SGMS1: variants seen among roughly 807,000 people sequenced by gnomAD.
SGMS1 encodes sphingomyelin synthase 1, also known as phosphatidylcholine:ceramide cholinephosphotransferase 1.
In SGMS1, 13 loss-of-function variants were observed where a neutral mutation model predicts 46.2. The ratio of observed to expected loss-of-function variants is 0.28; its 90% CI spans 0.18 to 0.45. The LOEUF (loss-of-function observed/expected upper bound fraction) is 0.45, where lower values mean the gene tolerates loss of function less well. Ranked by LOEUF, SGMS1 falls within the 20% of genes least tolerant of loss-of-function variation. SGMS1 has a pLI of 1.00. For missense variants in SGMS1, 324 were observed against 519.9 expected, an observed-to-expected ratio of 0.62 and a Z score of 3.66; for synonymous variants, 203 against 187.8, an observed-to-expected ratio of 1.08 and a Z score of -0.66.
chr10:50,511,072 C>T (rs1346304724), intron 3 of SGMS1, among the ~76,000 whole-genome samples: 2 of 152,144 alleles, frequency 1.3e-5, no homozygotes, highest in Admixed American at 6.6e-5. Context: ...CTGGTATGTA[C>T]AAACCACAAT....
At chr10:50,342,348 A>T (rs1847834256) in intron 7 of SGMS1, 1 of 152,226 alleles carries the variant, frequency 6.6e-6, no homozygotes, top group Admixed American at 6.5e-5. Context: ...TTTCAGATTC[A>T]GCTTAAACTC....
At chr10:50,344,473 A>T (rs1847881192) in intron 6 of SGMS1, 128 bp from the exon 7 acceptor site, 1 of 184,710 alleles carries the variant, frequency 5.4e-6, no homozygotes, top group East Asian at 1.4e-4. Flanking sequence ...TCAAACATGT[A>T]TTCGTTTCAG....
At chr10:50,591,365 T>C (rs909640778) in intron 1 of SGMS1, among the ~76,000 whole-genome samples, 5 of 152,122 alleles carry the variant, frequency 3.3e-5, no homozygotes, top group African/African-American at 1.2e-4. Flanking sequence ...ACATGATGCC[T>C]TCCTTAAAAC....
intron 3 of SGMS1, among the ~76,000 whole-genome samples, chr10:50,512,133 G>T (rs369211961): frequency 2.6e-5 from 4 of 152,152 alleles, no homozygotes; most frequent in African/African-American, 9.7e-5. Context: ...CATGGGGAAG[G>T]CTATCCGGTT....
At chr10:50,480,811 G>A (rs1261202686) in intron 3 of SGMS1, among the ~76,000 whole-genome samples, 2 of 152,176 alleles carry the variant, frequency 1.3e-5, no homozygotes, top group East Asian at 3.9e-4. Context: ...GCCCTAGTCA[G>A]CTGTTTTCCC....
rs373770093 is a variant in SGMS1 at position 50,352,766 on chromosome 10, T to C, written c.-231-8421A>G. Among the ~76,000 whole-genome samples, 4 of 152,180 alleles carry C rather than the reference T, an allele frequency of 2.6e-5. No homozygotes were observed. The East Asian group carries it at 5.8e-4, about 22-fold the overall frequency. ...TCTAAAAAGTTTCTTAAAATTATAA[T>C]GGTGTTCTAAATACAAACTACCATC... On this transcript the variant is annotated intron_variant, in intron 6 of 10. Transcript: ENST00000361781.
At chr10:50,624,754 G>A (rs1838903725), upstream of SGMS1, 2 of 985,342 alleles carry the variant, frequency 2.0e-6, no homozygotes, top group African/African-American at 1.7e-5. Flanking sequence ...CAGCGCCCAA[G>A]TTAGGATGGA....
intron 2 of SGMS1, among the ~76,000 whole-genome samples, chr10:50,530,896 G>T (rs1183832436): frequency 1.3e-5 from 2 of 152,112 alleles, no homozygotes; most frequent in Non-Finnish European, 2.9e-5. Flanking sequence ...GATACCTGAA[G>T]GGGAGGCACT....
intron 1 of SGMS1, among the ~76,000 whole-genome samples, chr10:50,609,743 T>C (rs1384222644): frequency 6.6e-6 from 1 of 152,152 alleles, no homozygotes. Context: ...TGATTATTTC[T>C]TAAAATAAGC....
At chr10:50,623,267 CCGTGATTGGAGT>C (rs1212807558) in intron 1 of SGMS1, among the ~76,000 whole-genome samples, 1 of 152,148 alleles carries the variant, frequency 6.6e-6, no homozygotes, top group Admixed American at 6.5e-5. Flanking sequence ...GGGGGTGGAG[CCGTGATTGGAGT>C]CGGCCCCTGG....
intron 2 of SGMS1, among the ~76,000 whole-genome samples, chr10:50,572,922 G>C (rs1046161222): frequency 6.6e-6 from 1 of 152,100 alleles, no homozygotes; most frequent in Non-Finnish European, 1.5e-5. Flanking sequence ...AGAACTTTCT[G>C]TCCCTATTAT....
chr10:50,394,009 T>C (rs951991732), intron 6 of SGMS1, among the ~76,000 whole-genome samples: 8 of 152,160 alleles, frequency 5.3e-5, no homozygotes, highest in Admixed American at 1.3e-4. Flanking sequence ...TATCTCTATA[T>C]AGATACCACA....
intron 2 of SGMS1, among the ~76,000 whole-genome samples, chr10:50,542,107 C>T (rs1422734834): frequency 6.6e-6 from 1 of 152,144 alleles, no homozygotes; most frequent in Non-Finnish European, 1.5e-5. Flanking sequence ...TGACACACAG[C>T]TTTGAAGCTA....
intron 2 of SGMS1, among the ~76,000 whole-genome samples, chr10:50,537,979 A>C (rs910563258): frequency 1.3e-5 from 2 of 152,080 alleles, no homozygotes; most frequent in African/African-American, 4.8e-5. Context: ...GTCAGTTCTC[A>C]AGAAGGCACT....
intron 5 of SGMS1, among the ~76,000 whole-genome samples, chr10:50,456,944 T>A (rs1410929580): frequency 6.6e-6 from 1 of 152,240 alleles, no homozygotes; most frequent in Non-Finnish European, 1.5e-5. Flanking sequence ...GTCAGGTTCA[T>A]TGCATGATGT....
chr10:50,374,956 G>A (rs1163258762), intron 6 of SGMS1, among the ~76,000 whole-genome samples: 2 of 152,010 alleles, frequency 1.3e-5, no homozygotes, highest in African/African-American at 2.4e-5. Context: ...TAATGCCTTC[G>A]CAGCCCGAGG....
intron 5 of SGMS1, among the ~76,000 whole-genome samples, chr10:50,456,636 C>T (rs1043340125): frequency 6.6e-6 from 1 of 152,096 alleles, no homozygotes; most frequent in Non-Finnish European, 1.5e-5. Context: ...CATGTCTCTC[C>T]AACCTCATTC....
chr10:50,624,640 C>A (rs1019948116), upstream of SGMS1: 11 of 985,348 alleles, frequency 1.1e-5, no homozygotes. Flanking sequence ...CGGCGAAAAC[C>A]CGGAGAGCGG....
intron 2 of SGMS1, among the ~76,000 whole-genome samples, chr10:50,549,033 G>A (rs1286112976): frequency 1.3e-5 from 2 of 152,100 alleles, no homozygotes; most frequent in Non-Finnish European, 2.9e-5. Context: ...TTACTAAAAA[G>A]TCAAAAAACA....
Sources: gnomAD v4.1 joint callset for allele counts (sites outside exome capture counted in the v4.1 genomes callset) on GRCh38, gnomAD v4.1.1 for gene constraint, MANE v1.5 for transcripts, NCBI Gene and HGNC (gene_info 2026-07-23, HGNC 2026-07-21) for gene names.